The following KCND2 variants were observed in gnomAD, a reference collection of about 807,000 sequenced individuals.
KCND2 encodes potassium voltage-gated channel subfamily D member 2, also known as A-type voltage-gated potassium channel KCND2.
Under a neutral mutation model 54.4 loss-of-function variants are expected in KCND2, and 16 were observed. That is an observed-to-expected ratio of 0.29 (90% CI 0.20 to 0.45). The LOEUF (loss-of-function observed/expected upper bound fraction) is 0.45, where lower values mean the gene tolerates loss of function less well. Ranked by LOEUF, KCND2 falls within the 20% of genes least tolerant of loss-of-function variation. The pLI, the probability that KCND2 is intolerant of heterozygous loss-of-function variation, is 1.00. For synonymous variants in KCND2, 317 were observed against 310.7 expected (o/e 1.02, Z -0.21); for missense variants, 486 against 824.2 (o/e 0.59, Z 5.02).
chr7:120,733,419 C>T (rs544793027), intron 2 of KCND2, among the ~76,000 whole-genome samples: 1 of 152,160 alleles, frequency 6.6e-6, no homozygotes, highest in East Asian at 1.9e-4. Flanking sequence ...ATTGCATTAA[C>T]CAAAGCAAAT....
At chr7:120,309,172 A>G (rs1023038364) in intron 1 of KCND2, among the ~76,000 whole-genome samples, 5 of 152,114 alleles carry the variant, frequency 3.3e-5, no homozygotes, top group African/African-American at 4.8e-5. Context: ...AAAGGTCGTT[A>G]TAGGGAAGAG....
intron 1 of KCND2, among the ~76,000 whole-genome samples, chr7:120,332,682 A>G (rs573758265): frequency 5.4e-4 from 82 of 152,196 alleles, no homozygotes; most frequent in Middle Eastern, 6.8e-3. Flanking sequence ...AACCTGCTCT[A>G]GAGGACCATA....
At chr7:120,286,158 G>A (rs1562997051) in intron 1 of KCND2, among the ~76,000 whole-genome samples, 1 of 151,748 alleles carries the variant, frequency 6.6e-6, no homozygotes, top group Non-Finnish European at 1.5e-5. Context: ...TTTTACTTCT[G>A]TTTCCTTTAT....
intron 1 of KCND2, among the ~76,000 whole-genome samples, chr7:120,599,590 G>A (rs540380122): frequency 6.6e-5 from 10 of 152,054 alleles, no homozygotes; most frequent in Non-Finnish European, 1.3e-4. Context: ...TTTTGGTGCT[G>A]TTTGAATATT....
chr7:120,517,411 ATAAT>A lies in KCND2; in HGVS notation c.1116-215487_1116-215484del, dbSNP rs58674790. Among the ~76,000 whole-genome samples, 930 of 152,198 alleles carry A rather than the reference ATAAT, an allele frequency of 6.1e-3. 4 individuals carry two copies. The highest frequency in any genetic ancestry group is 0.021 in the African/African-American group (882 of 41,546). On this transcript the variant is annotated intron_variant, in intron 1 of 5. Coordinates refer to ENST00000331113, the MANE Select transcript of KCND2 (RefSeq NM_012281.3). ...ACTATACATAGCTAAAGTTCAAGTA[ATAAT>A]TAATATCAGTAAACTGTGAGATGTC...
intron 1 of KCND2, among the ~76,000 whole-genome samples, chr7:120,729,492 A>G (rs1792778535): frequency 6.6e-6 from 1 of 152,204 alleles, no homozygotes; most frequent in Non-Finnish European, 1.5e-5. Context: ...GGCTGTCCTT[A>G]CATGAGAAAT....
intron 1 of KCND2, among the ~76,000 whole-genome samples, chr7:120,515,266 A>T (rs1295157547): frequency 6.6e-6 from 1 of 152,080 alleles, no homozygotes; most frequent in African/African-American, 2.4e-5. Context: ...TTCATGGCTC[A>T]GTGGAAACAC....
intron 1 of KCND2, among the ~76,000 whole-genome samples, chr7:120,692,223 G>A (rs1792278683): frequency 1.3e-5 from 2 of 152,144 alleles, no homozygotes; most frequent in Admixed American, 1.3e-4. Flanking sequence ...GCAGTGAGAA[G>A]AGATGTAACA....
intron 1 of KCND2, among the ~76,000 whole-genome samples, chr7:120,510,938 T>C (rs188125796): frequency 1.4e-5 from 2 of 146,914 alleles, no homozygotes; most frequent in East Asian, 4.4e-4. Context: ...CGGCTTCACA[T>C]TTCGTAGAAA....
At chr7:120,432,258 C>T (rs1394749459) in intron 1 of KCND2, among the ~76,000 whole-genome samples, 2 of 152,152 alleles carry the variant, frequency 1.3e-5, no homozygotes, top group East Asian at 3.9e-4. Flanking sequence ...CTAATATCTC[C>T]GTAAAGATTG....
chr7:120,637,158 C>G (rs1793315234), intron 1 of KCND2, among the ~76,000 whole-genome samples: 1 of 152,040 alleles, frequency 6.6e-6, no homozygotes, highest in South Asian at 2.1e-4. Context: ...AAAAAGTTTG[C>G]TAAATTTTGA....
At chr7:120,633,495 T>C (rs553452490) in intron 1 of KCND2, among the ~76,000 whole-genome samples, 1 of 152,272 alleles carries the variant, frequency 6.6e-6, no homozygotes, top group African/African-American at 2.4e-5. Flanking sequence ...ACATATTACT[T>C]TGACAATAAA....
chr7:120,385,768 A>T (rs1800978882), intron 1 of KCND2, among the ~76,000 whole-genome samples: 1 of 152,142 alleles, frequency 6.6e-6, no homozygotes, highest in African/African-American at 2.4e-5. Flanking sequence ...AATGTTCTTG[A>T]TATACAGAGT....
At chr7:120,441,919 A>G (rs1801950376) in intron 1 of KCND2, among the ~76,000 whole-genome samples, 1 of 152,238 alleles carries the variant, frequency 6.6e-6, no homozygotes, top group South Asian at 2.1e-4. Flanking sequence ...TATCCAAGAA[A>G]GTTTTCTCTG....
At chr7:120,351,114 A>G (rs906743808) in intron 1 of KCND2, among the ~76,000 whole-genome samples, 3 of 151,328 alleles carry the variant, frequency 2.0e-5, no homozygotes, top group Admixed American at 6.6e-5. Context: ...TAGAAGAATC[A>G]CAAAGTTGTA....
intron 1 of KCND2, among the ~76,000 whole-genome samples, chr7:120,303,504 G>GATTTAAGA: frequency 6.6e-6 from 1 of 152,114 alleles, no homozygotes; most frequent in Non-Finnish European, 1.5e-5. Context: ...CTTAAATCAT[G>GATTTAAGA]TTTAGCCTCC....
At chr7:120,388,027 A>G (rs1801015423) in intron 1 of KCND2, among the ~76,000 whole-genome samples, 1 of 152,056 alleles carries the variant, frequency 6.6e-6, no homozygotes, top group African/African-American at 2.4e-5. Flanking sequence ...ATGTGTTTAT[A>G]CTTTTAAAGT....
intron 1 of KCND2, among the ~76,000 whole-genome samples, chr7:120,450,272 T>C (rs538393829): frequency 5.9e-5 from 9 of 152,280 alleles, no homozygotes; most frequent in Admixed American, 5.9e-4. Context: ...TAGCTGGGCA[T>C]GGTGACATAT....
At chr7:120,528,039 A>G (rs1791798463) in intron 1 of KCND2, among the ~76,000 whole-genome samples, 1 of 152,160 alleles carries the variant, frequency 6.6e-6, no homozygotes, top group Admixed American at 6.5e-5. Flanking sequence ...TGTACTATAC[A>G]ATAAGCTATT....
Sources: allele counts gnomAD v4.1 joint callset (sites outside exome capture counted in the v4.1 genomes callset), GRCh38; gene constraint gnomAD v4.1.1; transcripts MANE v1.5; gene names NCBI Gene and HGNC (gene_info 2026-07-23, HGNC 2026-07-21).